PCDHGA9: variants seen among roughly 807,000 people sequenced by gnomAD.
PCDHGA9 encodes the protein protocadherin gamma subfamily A, 9.
A neutral mutation model predicts 62.5 loss-of-function variants in PCDHGA9; 37 were observed. The observed-to-expected ratio is 0.59, with a 90% CI of 0.46 to 0.78. The LOEUF (loss-of-function observed/expected upper bound fraction) is 0.78. PCDHGA9 is among the 30% of genes least tolerant of loss of function. The pLI, the probability that PCDHGA9 is intolerant of heterozygous loss-of-function variation, is 0.00. For missense variants in PCDHGA9, 1,138 were observed against 1,166.2 expected (o/e 0.98, Z 0.35); for synonymous variants, 459 against 484.6 (o/e 0.95, Z 0.69).
At chr5:141,447,284 C>A (rs979564320) in intron 1 of PCDHGA9, among the ~76,000 whole-genome samples, 1 of 152,124 alleles carries the variant, frequency 6.6e-6, no homozygotes, top group African/African-American at 2.4e-5. Context: ...GGACTACAGG[C>A]ACATGCCACC....
At chr5:141,426,015 T>G (rs1168777347) in intron 1 of PCDHGA9, among the ~76,000 whole-genome samples, 3 of 152,200 alleles carry the variant, frequency 2.0e-5, no homozygotes, top group African/African-American at 7.2e-5. Flanking sequence ...GGCTGCAGTT[T>G]TCTAAATAGA....
chr5:141,510,223 G>C (rs944276162), intron 3 of PCDHGA9, among the ~76,000 whole-genome samples: 1 of 151,302 alleles, frequency 6.6e-6, no homozygotes, highest in African/African-American at 2.4e-5. Context: ...CAGTGAGCCG[G>C]GATCGCGCCA....
In PCDHGA9 at chr5:141,477,590, C is replaced by T. The variant is rs1465863595; in HGVS notation, c.2425-17217C>T. On this transcript the variant is annotated intron_variant, in intron 1 of 3. Coordinates refer to ENST00000573521, the MANE Select transcript of PCDHGA9 (RefSeq NM_018921.3). This position sits in a 1 kb window ranked among gnomAD's most constrained non-coding sequence, Gnocchi z 4.9. ...CCCCGACGCCCCGCAGAATGCTCGG[C>T]TTTCTTTCTTTCTCTTGGAGCAAGG... The T allele has an allele frequency of 1.2e-6, 2 of 1,614,122 alleles. No individual in the cohort carries two copies. Among genetic ancestry groups the T allele is most frequent in the South Asian group, 2.2e-5 (2 of 91,080 alleles).
At chr5:141,478,478 A>T (rs764926007) in intron 1 of PCDHGA9, 2 of 1,613,740 alleles carry the variant, frequency 1.2e-6, no homozygotes, top group East Asian at 4.5e-5. Flanking sequence ...CCGCCAGAAC[A>T]CGCTGCGGAG....
intron 1 of PCDHGA9, among the ~76,000 whole-genome samples, chr5:141,463,642 G>A (rs573143516): frequency 6.6e-6 from 1 of 151,750 alleles, no homozygotes; most frequent in South Asian, 2.1e-4. Context: ...TAGTAGAGAC[G>A]GGGTTTCACC....
intron 1 of PCDHGA9, among the ~76,000 whole-genome samples, chr5:141,446,686 C>T (rs574630887): frequency 1.3e-5 from 2 of 152,294 alleles, no homozygotes; most frequent in African/African-American, 4.8e-5. Context: ...CCATATTGGC[C>T]AGGCTGGTCT....
At chr5:141,419,717 G>A (rs1159633605) in intron 1 of PCDHGA9, 3 of 1,613,236 alleles carry the variant, frequency 1.9e-6, no homozygotes, top group Non-Finnish European at 2.5e-6. Flanking sequence ...CTTCAGCCTG[G>A]GGCTGCGAAC....
chr5:141,472,852 G>A (rs1354948628), intron 1 of PCDHGA9, among the ~76,000 whole-genome samples: 1 of 151,160 alleles, frequency 6.6e-6, no homozygotes, highest in African/African-American at 2.4e-5. Flanking sequence ...TGGGCATGGT[G>A]GCACATGCCT....
chr5:141,405,800 C>T (rs1034546914), intron 1 of PCDHGA9, among the ~76,000 whole-genome samples: 11 of 147,346 alleles, frequency 7.5e-5, no homozygotes, highest in African/African-American at 2.5e-4. Flanking sequence ...TTATAGTTAG[C>T]TTTCTCTTTA....
At chr5:141,445,938 G>A (rs2098482293) in intron 1 of PCDHGA9, among the ~76,000 whole-genome samples, 1 of 152,196 alleles carries the variant, frequency 6.6e-6, no homozygotes, top group Non-Finnish European at 1.5e-5. Flanking sequence ...GAATTATTAA[G>A]CTTACTCTGG....
chr5:141,456,072 T>C (rs1349808406), intron 1 of PCDHGA9, among the ~76,000 whole-genome samples: 2 of 151,950 alleles, frequency 1.3e-5, no homozygotes, highest in Non-Finnish European at 2.9e-5. Flanking sequence ...TAATTTTTTG[T>C]ATTTTCAGTA....
chr5:141,478,392 A>G, intron 1 of PCDHGA9: 1 of 1,613,560 alleles, frequency 6.2e-7, no homozygotes, highest in Non-Finnish European at 8.5e-7. Context: ...CTTTACCATC[A>G]GGTGTATCTC....
intron 1 of PCDHGA9, chr5:141,421,041 C>G (rs963777669): frequency 5.5e-6 from 3 of 546,514 alleles, no homozygotes; most frequent in Non-Finnish European, 9.5e-6. Context: ...TCCCTCCCTC[C>G]CCCGCCTCTA....
intron 1 of PCDHGA9, chr5:141,416,492 A>G (rs183273356): frequency 1.4e-4 from 22 of 152,306 alleles, no homozygotes; most frequent in Admixed American, 1.4e-3. Flanking sequence ...AACAGGAGCA[A>G]GAGATATATG....
At position 141,489,072 on chromosome 5, in the gene PCDHGA9, A is replaced by AC; in HGVS notation, c.2425-5730dup. The AC allele has an allele frequency of 1.3e-5, 2 of 157,710 alleles. No homozygotes were observed. Among genetic ancestry groups the AC allele is most frequent in the Non-Finnish European group, 1.2e-5 (1 of 83,996 alleles). 9.8% of individuals were successfully genotyped at this position (157,710 alleles called of 1,614,324 possible). A position where few individuals can be genotyped will look rare whatever the true frequency, so the allele number is the denominator to read the frequency against. On this transcript the variant is annotated intron_variant, in intron 1 of 3. Transcript: ENST00000573521. This position sits in a 1 kb window ranked among gnomAD's most constrained non-coding sequence, Gnocchi z 4.5. The stretch of plus-strand genomic sequence containing the variant: ...AATTCAGCTCCCCTCCCCCCTGCCC[A>AC]CCCCCGCCACTCGGTGACTAAGAAC...
intron 2 of PCDHGA9, among the ~76,000 whole-genome samples, chr5:141,503,886 T>G (rs150106838): frequency 8.2e-4 from 125 of 152,290 alleles, no homozygotes; most frequent in African/African-American, 2.9e-3. Flanking sequence ...TCACCCACCA[T>G]GACAAAATAT....
At chr5:141,424,297 A>G (rs2096812591) in intron 1 of PCDHGA9, 1 of 152,466 alleles carries the variant, frequency 6.6e-6, no homozygotes, top group African/African-American at 2.4e-5. Flanking sequence ...TCTTCATCCT[A>G]TCAACACAGA....
intron 1 of PCDHGA9, chr5:141,428,388 C>G (rs1299321513): frequency 4.0e-6 from 2 of 506,160 alleles, no homozygotes; most frequent in Non-Finnish European, 7.3e-6. Context: ...GCTCTTCCAG[C>G]CCCTCTGCCT....
chr5:141,439,629 A>G (rs1262264623), intron 1 of PCDHGA9, among the ~76,000 whole-genome samples: 1 of 152,208 alleles, frequency 6.6e-6, no homozygotes, highest in East Asian at 1.9e-4. Flanking sequence ...CAATCCCCAG[A>G]CATTCCGGCT....
Sources: allele counts gnomAD v4.1 joint callset (sites outside exome capture counted in the v4.1 genomes callset), GRCh38; gene constraint gnomAD v4.1.1; non-coding constraint Gnocchi (gnomAD v3.1); transcripts MANE v1.5; gene names NCBI Gene and HGNC (gene_info 2026-07-23, HGNC 2026-07-21).